EYA2: variants seen among roughly 807,000 people sequenced by gnomAD.
EYA2 encodes the protein protein phosphatase EYA2.
In EYA2, 31 loss-of-function variants were observed where a neutral mutation model predicts 69.2. That is an observed-to-expected ratio of 0.45 (90% CI 0.34 to 0.60). EYA2 has a LOEUF of 0.60. EYA2 is among the 20% of genes least tolerant of loss of function. The pLI is 0.02. For synonymous variants in EYA2, 257 were observed against 279.4 expected (o/e 0.92, Z 0.80); for missense variants, 622 against 701.2 (o/e 0.89, Z 1.28).
chr20:47,091,146 A>C (rs74356385), intron 8 of EYA2, among the ~76,000 whole-genome samples: 2,863 of 152,262 alleles, frequency 0.019, 92 homozygotes, highest in African/African-American at 0.065. Flanking sequence ...AAAGCAATGT[A>C]ATTTTAACCC....
intron 15 of EYA2, among the ~76,000 whole-genome samples, chr20:47,185,505 T>C (rs2903939): frequency 0.47 from 71,984 of 151,648 alleles, 17,219 homozygotes; most frequent in African/African-American, 0.52. Flanking sequence ...TTTTGCCATG[T>C]TGGCCAGGCT....
chr20:46,990,359 A>G (rs1421028596), intron 2 of EYA2, among the ~76,000 whole-genome samples: 2 of 152,202 alleles, frequency 1.3e-5, no homozygotes, highest in East Asian at 1.9e-4. Flanking sequence ...CTTGGTCTCC[A>G]ATTCCAAGAA....
At chr20:47,020,411 T>G (rs1432702141) in intron 5 of EYA2, among the ~76,000 whole-genome samples, 1 of 152,196 alleles carries the variant, frequency 6.6e-6, no homozygotes, top group Non-Finnish European at 1.5e-5. Context: ...ATACAATAAA[T>G]GTAAAAGAAA....
At chr20:47,005,177 G>A in intron 4 of EYA2, 93 bp downstream of exon 4, 1 of 1,424,200 alleles carries the variant, frequency 7.0e-7, no homozygotes, top group Non-Finnish European at 9.6e-7. Context: ...TGGATTAATA[G>A]ACACAACCAA....
chr20:47,120,833 G>A (rs1382777748), intron 9 of EYA2, among the ~76,000 whole-genome samples: 1 of 152,168 alleles, frequency 6.6e-6, no homozygotes, highest in Admixed American at 6.5e-5. Flanking sequence ...TGGAAATTCA[G>A]ATAGGACTTT....
intron 9 of EYA2, among the ~76,000 whole-genome samples, chr20:47,135,126 C>CAAAAAAAAAAAAAAA (rs11484435): frequency 1.7e-5 from 1 of 58,498 alleles, no homozygotes; most frequent in Non-Finnish European, 3.1e-5. Context: ...GACTCCATAT[C>CAAAAAAAAAAAAAAA]AAAAAAAAAA....
chr20:47,054,918 G>C (rs1201456595), intron 5 of EYA2, among the ~76,000 whole-genome samples: 1 of 152,216 alleles, frequency 6.6e-6, no homozygotes, highest in Non-Finnish European at 1.5e-5. Context: ...TCCAGAAATA[G>C]ATGGATCCGG....
rs189929275 is a variant in EYA2 at position 47,182,808 on chromosome 20, G to A, written c.1436-483G>A. 1.4e-4 allele frequency among the ~76,000 whole-genome samples: 21 copies of A among 151,568 alleles called. 1 individual carries two copies. The highest frequency in any genetic ancestry group is 4.4e-4 in the African/African-American group (18 of 41,184). On this transcript the variant is annotated intron_variant, in intron 14 of 15. Coordinates refer to ENST00000327619, the MANE Select transcript of EYA2 (RefSeq NM_005244.5). ...AAAAATTAGCCAGGTGTGGTGATGC[G>A]TGCCTACAGTCCCAGTTACTCAGGA...
chr20:47,057,510 A>ACCCCCCCCCCCCCCCCCCCCCC (rs796462817), intron 5 of EYA2, among the ~76,000 whole-genome samples: 1 of 94,768 alleles, frequency 1.1e-5, no homozygotes, highest in Non-Finnish European at 2.4e-5. Flanking sequence ...TTTTTATATC[A>ACCCCCCCCCCCCCCCCCCCCCC]CCCCCCCCCC....
chr20:47,105,709 C>T (rs1568781545), intron 9 of EYA2, among the ~76,000 whole-genome samples: 1 of 152,006 alleles, frequency 6.6e-6, no homozygotes, highest in African/African-American at 2.4e-5. Flanking sequence ...ATTACCTGCC[C>T]TCTCCAACAC....
At chr20:46,996,731 A>G (rs1218351801) in intron 2 of EYA2, among the ~76,000 whole-genome samples, 1 of 152,170 alleles carries the variant, frequency 6.6e-6, no homozygotes, top group Non-Finnish European at 1.5e-5. Context: ...ATTTTAAAGA[A>G]AAGAGATTTA....
intron 10 of EYA2, among the ~76,000 whole-genome samples, chr20:47,165,239 A>G (rs2034158024): frequency 6.6e-6 from 1 of 152,198 alleles, no homozygotes; most frequent in South Asian, 2.1e-4. Flanking sequence ...TGCAAAAAAG[A>G]TCACTCCTTC....
intron 10 of EYA2, chr20:47,161,549 C>T: frequency 2.6e-6 from 1 of 377,852 alleles, no homozygotes; most frequent in South Asian, 2.1e-5. Flanking sequence ...TAGACGTCCA[C>T]TCCTTGTCCT....
At chr20:47,023,239 T>C (rs1157877968) in intron 5 of EYA2, among the ~76,000 whole-genome samples, 3 of 152,220 alleles carry the variant, frequency 2.0e-5, no homozygotes, top group African/African-American at 7.2e-5. Flanking sequence ...AGCAGTCTAT[T>C]ATATTGTATG....
rs376948788 is a variant in EYA2, at chr20:47,061,054, A to G, written c.416-11131A>G. 2.0e-5 allele frequency among the ~76,000 whole-genome samples: 3 copies of G among 151,942 alleles called. No individual in the cohort carries two copies. The East Asian group carries it at 5.9e-4, about 30-fold the overall frequency. On this transcript the variant is annotated intron_variant, in intron 5 of 15. Coordinates refer to ENST00000327619, the MANE Select transcript of EYA2 (RefSeq NM_005244.5). ...TTTTTAGTAGAGATGGGGTTTTACCATGTTGGTCAGGCTGGTCTCAAACTC... is the reference window on the plus strand; with the variant it reads ...TTTTTAGTAGAGATGGGGTTTTACCGTGTTGGTCAGGCTGGTCTCAAACTC...
At chr20:46,938,449 G>A (rs948895867) in intron 1 of EYA2, among the ~76,000 whole-genome samples, 2 of 152,224 alleles carry the variant, frequency 1.3e-5, no homozygotes, top group African/African-American at 4.8e-5. Flanking sequence ...TCTGGGAGCA[G>A]CTGAGCTGGT....
chr20:47,167,082 A>G (rs60011920), intron 10 of EYA2: 2,837 of 154,650 alleles, frequency 0.018, 98 homozygotes, highest in African/African-American at 0.064. Flanking sequence ...TAGGCTCCAC[A>G]TGGGACATGG....
chr20:47,185,679 C>T (rs2034625975), intron 15 of EYA2, among the ~76,000 whole-genome samples: 2 of 151,978 alleles, frequency 1.3e-5, no homozygotes, highest in Admixed American at 6.6e-5. Context: ...GAGGGCTTGG[C>T]CGGGATGAGG....
chr20:47,093,050 A>C (rs1205609578), intron 8 of EYA2, among the ~76,000 whole-genome samples: 3 of 152,246 alleles, frequency 2.0e-5, no homozygotes, highest in Non-Finnish European at 4.4e-5. Context: ...GAGGCACTGG[A>C]ACCAGCAAGG....
Sources: gnomAD v4.1 joint callset for allele counts (sites outside exome capture counted in the v4.1 genomes callset) on GRCh38, gnomAD v4.1.1 for gene constraint, MANE v1.5 for transcripts, NCBI Gene and HGNC (gene_info 2026-07-23, HGNC 2026-07-21) for gene names.